Variants in EPHA6 observed in about 807,000 individuals in gnomAD.
The protein encoded by EPHA6 is EPH receptor A6.
In EPHA6, 50 loss-of-function variants were observed where a neutral mutation model predicts 112.0. That is an observed-to-expected ratio of 0.45 (90% confidence interval 0.36 to 0.56). The LOEUF (loss-of-function observed/expected upper bound fraction) is 0.56, where lower values mean the gene tolerates loss of function less well. Ranked by LOEUF, EPHA6 falls within the 20% of genes least tolerant of loss-of-function variation. EPHA6 has a pLI of 0.00. For missense variants in EPHA6, 1,280 were observed against 1,417.4 expected, an observed-to-expected ratio of 0.90 and a Z score of 1.56; for synonymous variants, 529 against 490.7, an observed-to-expected ratio of 1.08 and a Z score of -1.03.
chr3:97,590,264 A>G (rs2093530730), intron 11 of EPHA6: 1 of 152,226 alleles, frequency 6.6e-6, no homozygotes, highest in Non-Finnish European at 1.5e-5. Flanking sequence ...AATAGATGAA[A>G]GACCTTTTTA....
chr3:97,520,029 A>T (rs991511806), intron 10 of EPHA6, among the ~76,000 whole-genome samples: 13 of 142,690 alleles, frequency 9.1e-5, no homozygotes, highest in African/African-American at 3.4e-4. Context: ...GTGCAGTGGT[A>T]TGATCTCGGC....
intron 5 of EPHA6, among the ~76,000 whole-genome samples, chr3:97,323,984 T>C (rs914582521): frequency 5.4e-5 from 8 of 149,330 alleles, no homozygotes; most frequent in South Asian, 4.2e-4. Context: ...TTTTTCTCTT[T>C]AAAAAAAAAA....
At chr3:96,973,932 T>C (rs1337713926) in intron 2 of EPHA6, among the ~76,000 whole-genome samples, 1 of 145,912 alleles carries the variant, frequency 6.9e-6, no homozygotes, top group Non-Finnish European at 1.5e-5. Context: ...TATTATATAA[T>C]ATATAATATA....
intron 5 of EPHA6, among the ~76,000 whole-genome samples, chr3:97,395,134 G>GA (rs547109176): frequency 2.0e-4 from 30 of 149,120 alleles, no homozygotes; most frequent in African/African-American, 4.4e-4. Flanking sequence ...AATTCAGAAA[G>GA]AAAAAAAAAC....
intron 14 of EPHA6, among the ~76,000 whole-genome samples, chr3:97,663,539 G>C (rs1006081892): frequency 3.0e-5 from 4 of 132,300 alleles, no homozygotes; most frequent in African/African-American, 1.2e-4. Flanking sequence ...CTCTATCCAA[G>C]TGTTCTCATT....
intron 1 of EPHA6, among the ~76,000 whole-genome samples, chr3:96,860,002 G>A (rs1270027005): frequency 6.6e-6 from 1 of 152,136 alleles, no homozygotes; most frequent in East Asian, 1.9e-4. Context: ...AGTAGTGAAA[G>A]TTAAAGTAGA....
intron 5 of EPHA6, among the ~76,000 whole-genome samples, chr3:97,327,637 T>G (rs933630551): frequency 7.2e-5 from 11 of 151,908 alleles, no homozygotes; most frequent in African/African-American, 2.7e-4. Context: ...CCCTCTCTTC[T>G]GTCACTAAAT....
intron 3 of EPHA6, among the ~76,000 whole-genome samples, chr3:97,115,230 A>C (rs535471352): frequency 6.6e-6 from 1 of 152,036 alleles, no homozygotes; most frequent in African/African-American, 2.4e-5. Flanking sequence ...TTCAGAAAGG[A>C]ATTTTGGGTC....
intron 3 of EPHA6, among the ~76,000 whole-genome samples, chr3:97,143,989 C>G (rs2075975437): frequency 6.6e-6 from 1 of 151,594 alleles, no homozygotes; most frequent in Non-Finnish European, 1.5e-5. Context: ...GACGTCCTGG[C>G]AGATGTATAT....
At chr3:96,976,411 A>G (rs527553432) in intron 2 of EPHA6, among the ~76,000 whole-genome samples, 55 of 152,266 alleles carry the variant, frequency 3.6e-4, no homozygotes, top group Non-Finnish European at 6.8e-4. Flanking sequence ...AACCTGCACT[A>G]AAATGTTGTT....
In EPHA6 at chr3:97,492,547, C is replaced by CAAAAAAAAAAAAAAAAA. The variant is rs780244403; in HGVS notation, c.2200+8519_2200+8535dup. Reference sequence around the variant, plus strand: ...ACAGAGCGAGAGTGAGACTCAGTCTCAAAAAAAAAAAAAAAAAAAAAAAAA... The same window carrying CAAAAAAAAAAAAAAAAA: ...ACAGAGCGAGAGTGAGACTCAGTCTCAAAAAAAAAAAAAAAAAAAAAAAAAAAAAAAAAAAAAAAAAA... On this transcript the variant is annotated intron_variant, in intron 10 of 17. Transcript: ENST00000389672. 1.4e-4 allele frequency among the ~76,000 whole-genome samples: 4 copies of CAAAAAAAAAAAAAAAAA among 28,944 alleles called. 1 individual carries two copies. Among genetic ancestry groups the CAAAAAAAAAAAAAAAAA allele is most frequent in the East Asian group, 2.4e-3 (1 of 412 alleles). The allele number at this position is 28,944 out of a possible 152,430, so 19.0% of individuals were successfully genotyped here.
At chr3:97,270,861 A>G (rs527623998) in intron 5 of EPHA6, among the ~76,000 whole-genome samples, 98 of 152,342 alleles carry the variant, frequency 6.4e-4, no homozygotes, top group African/African-American at 2.2e-3. Flanking sequence ...AACAGTAGTT[A>G]TCATTGTACA....
chr3:97,744,131 T>A (rs1559642938), intron 16 of EPHA6, among the ~76,000 whole-genome samples: 1 of 152,036 alleles, frequency 6.6e-6, no homozygotes, highest in Non-Finnish European at 1.5e-5. Flanking sequence ...ACCATAATTT[T>A]ACCTGAAATA....
chr3:97,152,068 G>A (rs1036348694), intron 3 of EPHA6, among the ~76,000 whole-genome samples: 11 of 151,854 alleles, frequency 7.2e-5, no homozygotes, highest in South Asian at 2.1e-4. Flanking sequence ...GAAATGTTAC[G>A]TAACATGCCT....
chr3:97,211,538 G>T (rs895485393), intron 3 of EPHA6, among the ~76,000 whole-genome samples: 6 of 152,140 alleles, frequency 3.9e-5, no homozygotes, highest in African/African-American at 1.4e-4. Context: ...TTCCTTATTT[G>T]CAGATGGCTA....
intron 2 of EPHA6, among the ~76,000 whole-genome samples, chr3:96,950,479 A>G (rs2041478771): frequency 6.6e-6 from 1 of 152,284 alleles, no homozygotes; most frequent in Non-Finnish European, 1.5e-5. Flanking sequence ...TTGTGAAGTC[A>G]GGAACTGTGT....
intron 2 of EPHA6, among the ~76,000 whole-genome samples, chr3:96,870,367 G>A (rs1180226100): frequency 1.3e-5 from 2 of 152,080 alleles, no homozygotes; most frequent in Admixed American, 6.6e-5. Flanking sequence ...GAAGACAGAT[G>A]TCGCAGCTTA....
intron 3 of EPHA6, among the ~76,000 whole-genome samples, chr3:97,101,931 A>C (rs1466064127): frequency 6.6e-6 from 1 of 152,086 alleles, no homozygotes; most frequent in Non-Finnish European, 1.5e-5. Flanking sequence ...TCTAAATTTC[A>C]GTTTCCTCCC....
chr3:97,326,011 T>C (rs1006362902), intron 5 of EPHA6, among the ~76,000 whole-genome samples: 11 of 134,306 alleles, frequency 8.2e-5, no homozygotes, highest in Admixed American at 2.2e-4. Context: ...GAGATTTAAG[T>C]AGTTTGATAG....
Sources: allele counts gnomAD v4.1 joint callset (sites outside exome capture counted in the v4.1 genomes callset), GRCh38; gene constraint gnomAD v4.1.1; transcripts MANE v1.5; gene names NCBI Gene and HGNC (gene_info 2026-07-23, HGNC 2026-07-21).